Variants in THSD7B observed in about 807,000 individuals in gnomAD.
THSD7B encodes thrombospondin type-1 domain-containing protein 7B.
THSD7B carries 138 observed loss-of-function variants against 213.6 expected under a neutral mutation model. The ratio of observed to expected loss-of-function variants is 0.65; its 90% CI spans 0.56 to 0.74. THSD7B has a LOEUF of 0.74. Among genes scored for constraint, THSD7B ranks in the 30% least tolerant of loss-of-function variants. The pLI is 0.00. For missense variants in THSD7B, 1,931 were observed against 1,991.5 expected (o/e 0.97, Z 0.58); for synonymous variants, 742 against 687.0 (o/e 1.08, Z -1.25).
chr2:137,331,599 A>G (rs1278996318), intron 12 of THSD7B, among the ~76,000 whole-genome samples: 1 of 152,202 alleles, frequency 6.6e-6, no homozygotes, highest in East Asian at 1.9e-4. Flanking sequence ...GTCCTGTGCC[A>G]TGTGCTCACA....
intron 2 of THSD7B, among the ~76,000 whole-genome samples, chr2:136,891,725 G>C: frequency 6.6e-6 from 1 of 152,188 alleles, no homozygotes; most frequent in East Asian, 1.9e-4. Context: ...AAAGAGGTAA[G>C]AGCTGAAGTC....
chr2:137,274,332 G>C (rs1682820976), intron 11 of THSD7B, among the ~76,000 whole-genome samples: 1 of 152,060 alleles, frequency 6.6e-6, no homozygotes, highest in Non-Finnish European at 1.5e-5. Context: ...ACTCCATTAA[G>C]GTGATATATT....
chr2:137,115,258 G>A lies in THSD7B; in HGVS notation c.1334G>A (p.Ser445Asn). ...ACCCGGGAGGTGTACTGTGCCCAGA[G>A]CGTACCAGCAGCTGCCGCACTGAGG... is the stretch of plus-strand genomic sequence containing the variant. ...IQTREVYCAQSVPAAAALRAK... is the reference protein window; with the variant it reads ...IQTREVYCAQNVPAAAALRAK... Residue 445 changes from serine to asparagine, a missense_variant, in exon 5 of 28, where the codon AGC becomes AAC. Coordinates refer to ENST00000409968, the MANE Select transcript of THSD7B (RefSeq NM_001316349.2). 6.2e-7 allele frequency: 1 copy of A among 1,604,712 alleles called. No homozygotes were observed. The highest frequency in any genetic ancestry group is 8.5e-7 in the Non-Finnish European group (1 of 1,175,776).
chr2:137,470,742 T>G (rs1688075800), intron 15 of THSD7B, among the ~76,000 whole-genome samples: 1 of 152,104 alleles, frequency 6.6e-6, no homozygotes, highest in South Asian at 2.1e-4. Context: ...AAAATTAGAA[T>G]TTTCTGCATT....
intron 7 of THSD7B, among the ~76,000 whole-genome samples, chr2:137,175,407 T>C (rs910018420): frequency 2.0e-5 from 3 of 152,210 alleles, no homozygotes; most frequent in African/African-American, 7.2e-5. Flanking sequence ...GTTCACATGT[T>C]GAGAGGCATG....
intron 2 of THSD7B, among the ~76,000 whole-genome samples, chr2:136,985,298 C>T (rs1685651195): frequency 6.6e-6 from 1 of 152,156 alleles, no homozygotes; most frequent in African/African-American, 2.4e-5. Context: ...CCGCTCTCAT[C>T]ACAGCCCCAG....
chr2:137,550,171 G>A (rs552340695), intron 15 of THSD7B, among the ~76,000 whole-genome samples: 1 of 151,948 alleles, frequency 6.6e-6, no homozygotes, highest in Admixed American at 6.6e-5. Flanking sequence ...CAGAATGTGG[G>A]CTTTACAGTT....
chr2:137,109,862 G>T (rs1688317684), intron 4 of THSD7B, among the ~76,000 whole-genome samples: 1 of 152,208 alleles, frequency 6.6e-6, no homozygotes, highest in Admixed American at 6.5e-5. Context: ...TGGCCTATGA[G>T]GTTCCACATA....
intron 15 of THSD7B, among the ~76,000 whole-genome samples, chr2:137,454,392 A>ATCTATCTG (rs1160804861): frequency 0.012 from 1,328 of 114,902 alleles, 7 homozygotes; most frequent in Middle Eastern, 0.025. Context: ...GAGCCATTCT[A>ATCTATCTG]TCTGTCTGTC....
intron 15 of THSD7B, among the ~76,000 whole-genome samples, chr2:137,528,162 T>C (rs1478474440): frequency 2.6e-5 from 4 of 152,118 alleles, no homozygotes; most frequent in African/African-American, 9.7e-5. Flanking sequence ...TGGCCCAAAA[T>C]TGATGTTTGT....
chr2:137,415,664 G>GTTTTT (rs10563702), intron 14 of THSD7B, among the ~76,000 whole-genome samples: 1 of 80,116 alleles, frequency 1.2e-5, no homozygotes, highest in Non-Finnish European at 2.3e-5. Context: ...TTATATCAGT[G>GTTTTT]TTTTTTTTTT....
chr2:137,572,285 T>A, intron 16 of THSD7B, 121 bp from the exon 17 acceptor site: 1 of 1,232,738 alleles, frequency 8.1e-7, no homozygotes. Flanking sequence ...TTCCCCTTGG[T>A]TTCTGTGCTG....
Position 137,616,281 on chromosome 2 carries a change from A to C in THSD7B, c.3530A>C (p.Asn1177Thr). The C allele has an allele frequency of 2.5e-6, 4 of 1,613,786 alleles. No individual in the cohort carries two copies. The highest frequency in any genetic ancestry group is 3.4e-6 in the Non-Finnish European group (4 of 1,179,724). The change falls in exon 18 of 28, where the codon AAT becomes ACT. Residue 1177 changes from asparagine (N) to threonine (T), a missense_variant. By Grantham distance (65) the Asn-to-Thr change is moderately conservative (BLOSUM62 0). Coordinates refer to ENST00000409968, the MANE Select transcript of THSD7B (RefSeq NM_001316349.2). ...TCACAGGTGCAGCCTTGCCTCCTGA[A>C]TGAAAATTGCTTCCAGTTCCAGTAC... is the stretch of plus-strand genomic sequence containing the variant. ...EDSQVQPCLL[N>T]ENCFQFQYNL...
chr2:137,125,357 T>G (rs1688613902), intron 5 of THSD7B, among the ~76,000 whole-genome samples: 1 of 152,172 alleles, frequency 6.6e-6, no homozygotes, highest in Non-Finnish European at 1.5e-5. Context: ...TTGTTGCCAT[T>G]TCAATAATGT....
chr2:137,009,254 G>T (rs943423848), intron 2 of THSD7B, among the ~76,000 whole-genome samples: 1 of 152,100 alleles, frequency 6.6e-6, no homozygotes, highest in African/African-American at 2.4e-5. Flanking sequence ...TACTATTGTC[G>T]TTATTTGCCT....
intron 16 of THSD7B, among the ~76,000 whole-genome samples, chr2:137,569,500 A>T (rs1291513632): frequency 6.6e-6 from 1 of 152,126 alleles, no homozygotes; most frequent in East Asian, 1.9e-4. Flanking sequence ...ACCTGTGTGG[A>T]CCAGGGGAGA....
rs564443786 is a variant in THSD7B, at chr2:137,073,861, G to A, written c.950+16631G>A. ...TTATTTACCCAGTAGTCATTCAGGA[G>A]CAGGTTGTTCAGTTTCCATGTAGTT... is the stretch of plus-strand genomic sequence containing the variant. On this transcript the variant is annotated intron_variant, in intron 3 of 27. Coordinates refer to ENST00000409968, the MANE Select transcript of THSD7B (RefSeq NM_001316349.2). 1.1e-4 allele frequency among the ~76,000 whole-genome samples: 17 copies of A among 152,322 alleles called. 1 individual carries two copies. The South Asian group carries it at 2.7e-3, about 24-fold the overall frequency.
chr2:137,479,949 G>A (rs934611243), intron 15 of THSD7B, among the ~76,000 whole-genome samples: 1 of 152,164 alleles, frequency 6.6e-6, no homozygotes, highest in Non-Finnish European at 1.5e-5. Flanking sequence ...GAAGGTCAGG[G>A]GGTCTCCCAT....
chr2:136,863,885 C>T lies in THSD7B; in HGVS notation c.-35-18259C>T, dbSNP rs181227585. ...GATAAAAGATGTAAAAGTTATCCAG[C>T]AACGAGCCTTGGTGATTTACAGGAC... On this transcript the variant is annotated intron_variant, in intron 1 of 27. Transcript: ENST00000409968. 6.4e-4 allele frequency among the ~76,000 whole-genome samples: 98 copies of T among 152,282 alleles called. 1 individual carries two copies. In the Middle Eastern group the frequency reaches 0.017, roughly 26 times the overall value.
Sources: gnomAD v4.1 joint callset for allele counts (sites outside exome capture counted in the v4.1 genomes callset) on GRCh38, gnomAD v4.1.1 for gene constraint, MANE v1.5 for transcripts, NCBI Gene and HGNC (gene_info 2026-07-23, HGNC 2026-07-21) for gene names.